The following RPTOR variants were observed in gnomAD, a reference collection of about 807,000 sequenced individuals.
RPTOR encodes the protein regulatory associated protein of MTOR complex 1, also known as regulatory-associated protein of mTOR.
RPTOR carries 21 observed loss-of-function variants against 169.9 expected under a neutral mutation model. The observed-to-expected ratio is 0.12, with a 90% CI of 0.09 to 0.18. RPTOR has a LOEUF of 0.18. Among genes scored for constraint, RPTOR ranks in the 10% least tolerant of loss-of-function variants. RPTOR has a pLI of 1.00. For synonymous variants in RPTOR, 732 were observed against 753.2 expected (o/e 0.97, Z 0.46); for missense variants, 1,133 against 1,855.9 (o/e 0.61, Z 7.16).
chr17:80,832,553 T>TGA (rs2067517398), intron 9 of RPTOR, among the ~76,000 whole-genome samples: 1 of 151,222 alleles, frequency 6.6e-6, no homozygotes, highest in African/African-American at 2.4e-5. Context: ...CACAAAGGAG[T>TGA]GAGGAGTGGT....
chr17:80,547,766 T>C lies in RPTOR; in HGVS notation c.162+1975T>C, dbSNP rs116496206. ...CTCAAATGATATTGAGTGGGGATGG[T>C]AGCATAAGAGAATGAAACAGGCCAC... On this transcript the variant is annotated intron_variant, in intron 1 of 33. Coordinates refer to ENST00000306801, the MANE Select transcript of RPTOR (RefSeq NM_020761.3). 9.4e-3 allele frequency among the ~76,000 whole-genome samples: 1,431 copies of C among 152,244 alleles called. 29 individuals are homozygous for C. The highest frequency in any genetic ancestry group is 0.032 in the African/African-American group (1,338 of 41,542).
intron 4 of RPTOR, among the ~76,000 whole-genome samples, chr17:80,729,368 A>C (rs1343668677): frequency 6.6e-6 from 1 of 152,234 alleles, no homozygotes; most frequent in Non-Finnish European, 1.5e-5. Context: ...CTTGATGTCC[A>C]AGGAAAGGTA....
intron 11 of RPTOR, among the ~76,000 whole-genome samples, chr17:80,847,984 G>A (rs1035398630): frequency 1.3e-5 from 2 of 152,256 alleles, no homozygotes; most frequent in African/African-American, 4.8e-5. Flanking sequence ...AGCAGTGGCA[G>A]CCAGCGTCGC....
At chr17:80,648,851 G>A (rs765886350) in intron 3 of RPTOR, among the ~76,000 whole-genome samples, 6 of 152,092 alleles carry the variant, frequency 3.9e-5, no homozygotes, top group Admixed American at 6.5e-5. Flanking sequence ...TCATAGGGGC[G>A]GGTCTTTCCT....
At chr17:80,896,427 G>A (rs1481673067) in intron 20 of RPTOR, among the ~76,000 whole-genome samples, 69,899 of 106,302 alleles carry the variant, frequency 0.66, 23,099 homozygotes, top group Non-Finnish European at 0.72. Flanking sequence ...ACACGGCCTC[G>A]CCAACACCCC....
Position 80,965,984 on chromosome 17 carries a change from G to A in RPTOR, c.*1654G>A, listed in dbSNP as rs79480315. Reference sequence around the variant, plus strand: ...CAGGCGGCAACACCAGAATCTTCCAGAAGCCCAGCTCCACCCGCACACGCA... The same window carrying A: ...CAGGCGGCAACACCAGAATCTTCCAAAAGCCCAGCTCCACCCGCACACGCA... On this transcript the variant is annotated 3_prime_UTR_variant, in exon 34 of 34. Coordinates refer to ENST00000306801, the MANE Select transcript of RPTOR (RefSeq NM_020761.3). 3,711 of 233,388 alleles carry A rather than the reference G, an allele frequency of 0.016. 160 individuals carry two copies. The highest frequency in any genetic ancestry group is 0.11 in the East Asian group (1,846 of 16,568). 14.5% of individuals were successfully genotyped at this position (233,388 alleles called of 1,614,324 possible). A position where few individuals can be genotyped will look rare whatever the true frequency, so the allele number is the denominator to read the frequency against.
At chr17:80,688,298 C>T (rs185050200) in intron 3 of RPTOR, among the ~76,000 whole-genome samples, 203 of 152,228 alleles carry the variant, frequency 1.3e-3, no homozygotes, top group African/African-American at 4.4e-3. Context: ...ATTTTATAGC[C>T]GAAGAAACGG....
intron 6 of RPTOR, among the ~76,000 whole-genome samples, chr17:80,785,055 A>G (rs1441726066): frequency 6.6e-6 from 1 of 152,246 alleles, no homozygotes; most frequent in African/African-American, 2.4e-5. Context: ...TGTGAAAAAG[A>G]ATATTTAAAA....
rs143327182 is a variant in RPTOR, at chr17:80,725,251, C to T, written c.508-5309C>T. 9.3e-3 allele frequency among the ~76,000 whole-genome samples: 1,414 copies of T among 152,164 alleles called. 21 individuals are homozygous for T. The highest frequency in any genetic ancestry group is 0.028 in the African/African-American group (1,180 of 41,510). On this transcript the variant is annotated intron_variant, in intron 4 of 33. Transcript: ENST00000306801. ...CCTTGGTGGCTAACTCAGGCTGCGG[C>T]GACAGACTGGTGAGGCAGGCGGACT...
At chr17:80,576,777 C>G (rs1442547077) in intron 1 of RPTOR, among the ~76,000 whole-genome samples, 1 of 152,196 alleles carries the variant, frequency 6.6e-6, no homozygotes, top group South Asian at 2.1e-4. Flanking sequence ...GACCTTGGCT[C>G]ACTGCAACCT....
At chr17:80,743,847 A>T (rs1305974624) in intron 5 of RPTOR, among the ~76,000 whole-genome samples, 1 of 120,456 alleles carries the variant, frequency 8.3e-6, no homozygotes, top group African/African-American at 3.3e-5. Flanking sequence ...AGCCCTGGTT[A>T]CTAGCAGAGC....
intron 7 of RPTOR, among the ~76,000 whole-genome samples, chr17:80,809,879 A>G (rs1191000697): frequency 1.3e-5 from 2 of 152,088 alleles, no homozygotes; most frequent in African/African-American, 4.8e-5. Flanking sequence ...TCTAATAAAA[A>G]TACAAAAATT....
rs552581577 is a variant in RPTOR at position 80,742,137 on chromosome 17, C to T, written c.654+11431C>T. ...TCTAAACTGTTCAAGAGAGGGTGGG[C>T]GATGCCATGTGGAAGCTCCTGAGGG... On this transcript the variant is annotated intron_variant, in intron 5 of 33. Transcript: ENST00000306801. Among the ~76,000 whole-genome samples the T allele has an allele frequency of 1.1e-4, 17 of 152,176 alleles. No individual in the cohort carries two copies. In the East Asian group the frequency reaches 2.9e-3, roughly 26 times the overall value.
At position 80,923,389 on chromosome 17, in the gene RPTOR, C is replaced by G. The variant is rs908666177; in HGVS notation, c.2625-101C>G. On this transcript the variant is annotated intron_variant, in intron 22 of 33. Transcript: ENST00000306801. ...CTGAGGACACCCCGGGCCCTGGTGG[C>G]ACCTGGGAGGGTGCAGGTGGCCCAG... 9 of 1,347,602 alleles carry G rather than the reference C, an allele frequency of 6.7e-6. No homozygotes were observed. In the African/African-American group the frequency reaches 1.1e-4, roughly 17 times the overall value. 83.5% of individuals were successfully genotyped at this position (1,347,602 alleles called of 1,614,324 possible). A position where few individuals can be genotyped will look rare whatever the true frequency, so the allele number is the denominator to read the frequency against.
intron 3 of RPTOR, among the ~76,000 whole-genome samples, chr17:80,656,310 C>T (rs187029648): frequency 6.7e-6 from 1 of 150,174 alleles, no homozygotes; most frequent in African/African-American, 2.5e-5. Flanking sequence ...GTAGGTGAGC[C>T]ACCCGCCTTG....
In RPTOR at chr17:80,727,844, T is replaced by A. The variant is rs537265851; in HGVS notation, c.508-2716T>A. Among the ~76,000 whole-genome samples the A allele has an allele frequency of 2.7e-4, 41 of 152,348 alleles. No homozygotes were observed. The South Asian group carries it at 7.9e-3, about 29-fold the overall frequency. Reference sequence around the variant, plus strand: ...GATATCTAGAAGTAGTCAGAAGGAATGTGCCTTTAAAATTTTTGTTAAGTA... The same window carrying A: ...GATATCTAGAAGTAGTCAGAAGGAAAGTGCCTTTAAAATTTTTGTTAAGTA... On this transcript the variant is annotated intron_variant, in intron 4 of 33. Transcript: ENST00000306801.
intron 1 of RPTOR, among the ~76,000 whole-genome samples, chr17:80,623,770 A>G (rs1225531290): frequency 6.6e-6 from 1 of 152,184 alleles, no homozygotes; most frequent in Non-Finnish European, 1.5e-5. Context: ...TCCTGATGTC[A>G]GGTGATCTGC....
intron 6 of RPTOR, among the ~76,000 whole-genome samples, chr17:80,758,251 C>G (rs116491694): frequency 0.06 from 9,146 of 152,228 alleles, 933 homozygotes; most frequent in African/African-American, 0.21. Context: ...CTGTTGTGTT[C>G]CCAGAGGACA....
intron 10 of RPTOR, among the ~76,000 whole-genome samples, chr17:80,842,407 C>G (rs2067681150): frequency 6.6e-6 from 1 of 152,172 alleles, no homozygotes; most frequent in Non-Finnish European, 1.5e-5. Context: ...CCTGGCTGGC[C>G]TCCCGTTCAG....
Sources: gnomAD v4.1 joint callset for allele counts (sites outside exome capture counted in the v4.1 genomes callset) on GRCh38, gnomAD v4.1.1 for gene constraint, MANE v1.5 for transcripts, NCBI Gene and HGNC (gene_info 2026-07-23, HGNC 2026-07-21) for gene names.